The following TMEM135 variants were observed in gnomAD, a reference collection of about 807,000 sequenced individuals.
TMEM135 encodes the protein transmembrane protein 135.
In TMEM135, 30 loss-of-function variants were observed where a neutral mutation model predicts 60.3. The observed-to-expected ratio is 0.50, with a 90% CI of 0.37 to 0.68. The LOEUF (loss-of-function observed/expected upper bound fraction) is 0.68, where lower values mean the gene tolerates loss of function less well. Among genes scored for constraint, TMEM135 ranks in the 30% least tolerant of loss-of-function variants. The pLI is 0.00. For synonymous variants in TMEM135, 190 were observed against 186.7 expected, an observed-to-expected ratio of 1.02 and a Z score of -0.14; for missense variants, 468 against 548.8, an observed-to-expected ratio of 0.85 and a Z score of 1.47.
intron 1 of TMEM135, among the ~76,000 whole-genome samples, chr11:87,061,651 G>A (rs1278790612): frequency 6.6e-6 from 1 of 152,118 alleles, no homozygotes; most frequent in Non-Finnish European, 1.5e-5. Flanking sequence ...TACTAGTAAG[G>A]CTAAGATCAT....
chr11:87,085,658 G>T (rs1488604808), intron 3 of TMEM135, among the ~76,000 whole-genome samples: 3 of 152,128 alleles, frequency 2.0e-5, no homozygotes, highest in East Asian at 3.8e-4. Context: ...TCGGGAGGCT[G>T]GGGTGGGAGG....
At chr11:87,309,034 A>G (rs1942597858) in intron 9 of TMEM135, among the ~76,000 whole-genome samples, 1 of 152,224 alleles carries the variant, frequency 6.6e-6, no homozygotes, top group South Asian at 2.1e-4. Flanking sequence ...AAAGGTCTGA[A>G]AAAATAATGA....
Position 87,208,852 on chromosome 11 carries a change from G to A in TMEM135, c.463-27786G>A, listed in dbSNP as rs149817586. Among the ~76,000 whole-genome samples, 390 of 152,250 alleles carry A rather than the reference G, an allele frequency of 2.6e-3. 7 individuals carry two copies. In the South Asian group the frequency reaches 0.033, roughly 13 times the overall value. On this transcript the variant is annotated intron_variant, in intron 5 of 14. Coordinates refer to ENST00000305494, the MANE Select transcript of TMEM135 (RefSeq NM_022918.4). The stretch of plus-strand genomic sequence containing the variant: ...TCACTTACAATGGGAACCCCATCAG[G>A]CTAACAGTGGACCTTTCAGGAGGAA...
intron 1 of TMEM135, 124 bp downstream of exon 1, chr11:87,038,310 G>A: frequency 8.5e-7 from 1 of 1,178,280 alleles, no homozygotes; most frequent in Non-Finnish European, 1.2e-6. Context: ...TGGAGGGGTC[G>A]GAGTGTTTTG....
intron 5 of TMEM135, among the ~76,000 whole-genome samples, chr11:87,234,880 A>G (rs897991681): frequency 6.6e-6 from 1 of 150,784 alleles, no homozygotes; most frequent in Admixed American, 6.6e-5. Context: ...GAACCTGGCA[A>G]CATTTTGAGG....
At chr11:87,252,791 A>AATAT (rs375507776) in intron 6 of TMEM135, among the ~76,000 whole-genome samples, 13 of 106,116 alleles carry the variant, frequency 1.2e-4, no homozygotes, top group African/African-American at 3.8e-4. Context: ...AAAAAATTAA[A>AATAT]ATATATATGT....
In TMEM135 at chr11:87,185,913, C is replaced by CTTTTTTTTTTTTTTTTTTT. The variant is rs367985910; in HGVS notation, c.462+28517_462+28518insTTTTTTTTTTTTTTTTTTT. 1.8e-3 allele frequency among the ~76,000 whole-genome samples: 254 copies of CTTTTTTTTTTTTTTTTTTT among 138,662 alleles called. 1 individual carries two copies. The highest frequency in any genetic ancestry group is 2.2e-3 in the Non-Finnish European group (144 of 64,376). The allele number at this position is 138,662 out of a possible 152,430, so 91.0% of individuals were successfully genotyped here. A position where few individuals can be genotyped will look rare whatever the true frequency, so the allele number is the denominator to read the frequency against. The stretch of plus-strand genomic sequence containing the variant: ...GTTTCAATCTGTTGTAGTTATCCTT[C>CTTTTTTTTTTTTTTTTTTT]TTTTTTTTTTGTGAGACAGAGGTTC... On this transcript the variant is annotated intron_variant, in intron 5 of 14. Transcript: ENST00000305494.
At chr11:87,099,562 C>G (rs1857405719) in intron 4 of TMEM135, among the ~76,000 whole-genome samples, 1 of 151,856 alleles carries the variant, frequency 6.6e-6, no homozygotes, top group Admixed American at 6.6e-5. Context: ...TGGTTTTTAG[C>G]TGTTATGAAC....
intron 4 of TMEM135, among the ~76,000 whole-genome samples, chr11:87,134,064 C>G (rs1305361738): frequency 6.6e-6 from 1 of 151,552 alleles, no homozygotes; most frequent in Non-Finnish European, 1.5e-5. Context: ...TTTTCTAGGG[C>G]TGCCATAACA....
chr11:87,040,782 A>T (rs1949744153), intron 1 of TMEM135, among the ~76,000 whole-genome samples: 1 of 152,096 alleles, frequency 6.6e-6, no homozygotes, highest in South Asian at 2.1e-4. Context: ...GAAATCATGC[A>T]TTGATGATGT....
chr11:87,215,682 C>G (rs952556955), intron 5 of TMEM135, among the ~76,000 whole-genome samples: 1 of 152,178 alleles, frequency 6.6e-6, no homozygotes, highest in Admixed American at 6.6e-5. Context: ...GAACTTACCT[C>G]TCTATCTCTG....
chr11:87,047,433 C>G (rs1590977297), intron 1 of TMEM135, among the ~76,000 whole-genome samples: 1 of 151,554 alleles, frequency 6.6e-6, no homozygotes, highest in East Asian at 2.0e-4. Flanking sequence ...GAGTGCCAGA[C>G]AGTGGGCGCA....
chr11:87,185,913 C>CTTTTTTTTTTTTTTT (rs367985910), intron 5 of TMEM135, among the ~76,000 whole-genome samples: 10,410 of 133,890 alleles, frequency 0.078, 448 homozygotes, highest in Non-Finnish European at 0.095. Flanking sequence ...AGTTATCCTT[C>CTTTTTTTTTTTTTTT]TTTTTTTTTT....
intron 6 of TMEM135, among the ~76,000 whole-genome samples, chr11:87,238,171 G>A (rs1263032944): frequency 6.6e-6 from 1 of 151,800 alleles, no homozygotes; most frequent in Non-Finnish European, 1.5e-5. Context: ...TTTATTTTGA[G>A]TATATACCCA....
intron 6 of TMEM135, among the ~76,000 whole-genome samples, chr11:87,289,708 G>A (rs1942232850): frequency 6.6e-6 from 1 of 152,006 alleles, no homozygotes; most frequent in Non-Finnish European, 1.5e-5. Flanking sequence ...CGCCCGCCTT[G>A]GCTTCCCAAA....
At chr11:87,139,801 T>C (rs1938213018) in intron 4 of TMEM135, among the ~76,000 whole-genome samples, 2 of 152,204 alleles carry the variant, frequency 1.3e-5, no homozygotes, top group African/African-American at 4.8e-5. Context: ...ACTAATAATA[T>C]TGAACATCTT....
intron 8 of TMEM135, among the ~76,000 whole-genome samples, chr11:87,303,442 G>T (rs2135441239): frequency 6.6e-6 from 1 of 152,264 alleles, no homozygotes; most frequent in Non-Finnish European, 1.5e-5. Flanking sequence ...GGAAGCTGAG[G>T]TCCTTTAATA....
chr11:87,261,983 C>A (rs1941660386), intron 6 of TMEM135, among the ~76,000 whole-genome samples: 1 of 152,132 alleles, frequency 6.6e-6, no homozygotes, highest in African/African-American at 2.4e-5. Context: ...AATGAGATCA[C>A]AAATTATATA....
At chr11:87,066,783 CTT>C (rs1207661431) in intron 1 of TMEM135, among the ~76,000 whole-genome samples, 7 of 115,972 alleles carry the variant, frequency 6.0e-5, no homozygotes, top group South Asian at 2.6e-4. Flanking sequence ...TAGATTCTTT[CTT>C]TTTTTTTTTT....
Sources: allele counts gnomAD v4.1 joint callset (sites outside exome capture counted in the v4.1 genomes callset), GRCh38; gene constraint gnomAD v4.1.1; transcripts MANE v1.5; gene names NCBI Gene and HGNC (gene_info 2026-07-23, HGNC 2026-07-21).